BDNF: variants seen among roughly 807,000 people sequenced by gnomAD.
The protein encoded by BDNF is brain derived neurotrophic factor.
A neutral mutation model predicts 19.5 loss-of-function variants in BDNF; 1 was observed. The observed-to-expected ratio is 0.05, with a 90% CI of 0.02 to 0.24. The LOEUF (loss-of-function observed/expected upper bound fraction) is 0.24, where lower values mean the gene tolerates loss of function less well. BDNF is among the 10% of genes least tolerant of loss of function. BDNF has a pLI of 1.00. For synonymous variants in BDNF, 100 were observed against 121.6 expected, an observed-to-expected ratio of 0.82 and a Z score of 1.17; for missense variants, 195 against 317.6, an observed-to-expected ratio of 0.61 and a Z score of 2.93.
At chr11:27,694,438 A>G (rs1191268659) in intron 1 of BDNF, among the ~76,000 whole-genome samples, 1 of 152,154 alleles carries the variant, frequency 6.6e-6, no homozygotes, top group East Asian at 1.9e-4. Context: ...TAATCAATCT[A>G]TTAGTGCATT....
In BDNF at chr11:27,657,592, CA is replaced by C. The variant is rs1417778537; in HGVS notation, c.*228del. On this transcript the variant is annotated 3_prime_UTR_variant, in exon 2 of 2. Transcript: ENST00000356660. The surrounding 1 kb of genome is among the most constrained non-coding windows in gnomAD (Gnocchi z 5.0). ...CAACGGCAACAAACCACAACATTATCAAGGAATGTAATGCAGACTTTTTAAG... is the reference window on the plus strand; with the variant it reads ...CAACGGCAACAAACCACAACATTATCAGGAATGTAATGCAGACTTTTTAAG... The C allele has an allele frequency of 3.8e-6, 5 of 1,322,576 alleles. No individual in the cohort carries two copies. The East Asian group carries it at 1.2e-4, about 31-fold the overall frequency. 81.9% of individuals were successfully genotyped at this position (1,322,576 alleles called of 1,614,324 possible). A position where few individuals can be genotyped will look rare whatever the true frequency, so the allele number is the denominator to read the frequency against.
At chr11:27,711,384 A>G (rs1860322181) in intron 1 of BDNF, among the ~76,000 whole-genome samples, 1 of 152,234 alleles carries the variant, frequency 6.6e-6, no homozygotes, top group African/African-American at 2.4e-5. Flanking sequence ...AGGGTAGGTG[A>G]CAATTAGCTA....
At chr11:27,675,355 C>G (rs933004573) in intron 1 of BDNF, 2 of 152,084 alleles carry the variant, frequency 1.3e-5, no homozygotes, top group African/African-American at 4.8e-5. Flanking sequence ...GGTATTTTGT[C>G]AAAACTATGC....
intron 1 of BDNF, among the ~76,000 whole-genome samples, chr11:27,721,084 A>T (rs1238006774): frequency 6.6e-6 from 1 of 151,722 alleles, no homozygotes; most frequent in African/African-American, 2.4e-5. Context: ...ACATGCCCAC[A>T]TATAAATCAT....
chr11:27,670,418 TTAAAC>T lies in BDNF; in HGVS notation c.-21-11838_-21-11834del, dbSNP rs536026896. Among the ~76,000 whole-genome samples the T allele has an allele frequency of 8.7e-4, 133 of 152,200 alleles. 1 individual carries two copies. The highest frequency in any genetic ancestry group is 3.0e-3 in the African/African-American group (126 of 41,532). The stretch of plus-strand genomic sequence containing the variant: ...GCCAAAATTGACAAATGGGATCTAA[TTAAAC>T]TAAAGAGCTTCTGCACAGCAAAAGA... On this transcript the variant is annotated intron_variant, in intron 1 of 1. Coordinates refer to ENST00000356660, the MANE Select transcript of BDNF (RefSeq NM_001709.5).
At chr11:27,662,846 G>T (rs1853688060) in intron 1 of BDNF, among the ~76,000 whole-genome samples, 2 of 152,206 alleles carry the variant, frequency 1.3e-5, no homozygotes, top group Admixed American at 6.5e-5. Flanking sequence ...CATGGCCTGG[G>T]TGTTGCGGAT....
intron 1 of BDNF, among the ~76,000 whole-genome samples, chr11:27,713,671 A>T (rs1564996823): frequency 6.6e-6 from 1 of 152,186 alleles, no homozygotes; most frequent in Non-Finnish European, 1.5e-5. Context: ...GGGAACAAAG[A>T]TCTCAGAGCA....
chr11:27,713,782 A>G (rs1172116702), intron 1 of BDNF, among the ~76,000 whole-genome samples: 2 of 152,172 alleles, frequency 1.3e-5, no homozygotes, highest in Non-Finnish European at 2.9e-5. Flanking sequence ...AACTTTGACA[A>G]AGTACATTTT....
At chr11:27,711,806 A>G (rs898360269) in intron 1 of BDNF, among the ~76,000 whole-genome samples, 4 of 152,270 alleles carry the variant, frequency 2.6e-5, no homozygotes, top group Admixed American at 2.6e-4. Flanking sequence ...CCACATCATT[A>G]TAATTTCCCA....
At position 27,656,602 on chromosome 11, in the gene BDNF, T is replaced by C. The variant is rs899606525; in HGVS notation, c.*1219A>G. On this transcript the variant is annotated 3_prime_UTR_variant, in exon 2 of 2. Coordinates refer to ENST00000356660, the MANE Select transcript of BDNF (RefSeq NM_001709.5). ...AATGCCAACTCCACATAGCCTCCAT[T>C]TGGCTGTTCAGTCTCATGTCACTGG... 2.0e-6 allele frequency: 2 copies of C among 985,792 alleles called. No homozygotes were observed. Among genetic ancestry groups the C allele is most frequent in the Non-Finnish European group, 2.4e-6 (2 of 829,950 alleles). 61.1% of individuals were successfully genotyped at this position (985,792 alleles called of 1,614,324 possible). A position where few individuals can be genotyped will look rare whatever the true frequency, so the allele number is the denominator to read the frequency against.
chr11:27,662,048 G>C (rs1853538849), intron 1 of BDNF, among the ~76,000 whole-genome samples: 1 of 152,016 alleles, frequency 6.6e-6, no homozygotes, highest in Admixed American at 6.5e-5. Context: ...TGTCGCCCAG[G>C]CTGGAGTGCA....
chr11:27,677,885 A>T (rs184793507), intron 1 of BDNF: 107 of 152,344 alleles, frequency 7.0e-4, no homozygotes, highest in African/African-American at 2.5e-3. Context: ...GATTTACACC[A>T]GTTCCTTTGC....
rs745999049 is a variant in BDNF, at chr11:27,657,838, T to G, written c.727A>C (p.Ile243Leu). ...TAAATCCACTATCTTCCCCTTTTAA[T>G]GGTCAATGTACATACACAAGAAGTG... is the stretch of plus-strand genomic sequence containing the variant. ...IDTSCVCTLT[I>L]KRGR is the part of the protein sequence containing the mutation. Residue 243 changes from isoleucine to leucine, a missense_variant, in exon 2 of 2, where the codon ATT (isoleucine) becomes CTT (leucine). By Grantham distance (5) the Ile-to-Leu change is conservative. This residue lies in a region of BDNF where 71 missense variants were observed against 162.6 expected (regional missense o/e 0.44). Transcript: ENST00000356660. This position sits in a 1 kb window ranked among gnomAD's most constrained non-coding sequence, Gnocchi z 5.0. 1 of 1,614,024 alleles carries G rather than the reference T, an allele frequency of 6.2e-7. No homozygotes were observed. Among genetic ancestry groups the G allele is most frequent in the Non-Finnish European group, 8.5e-7 (1 of 1,179,866 alleles).
chr11:27,719,394 C>A, intron 1 of BDNF: 1 of 916,116 alleles, frequency 1.1e-6, no homozygotes, highest in Non-Finnish European at 1.3e-6. Flanking sequence ...TTCTCCACCG[C>A]CTCCAGCCGC....
chr11:27,685,825 G>A (rs753875000), intron 1 of BDNF, among the ~76,000 whole-genome samples: 71,778 of 151,228 alleles, frequency 0.47, 17,122 homozygotes, highest in Admixed American at 0.54. Context: ...CCAATTATGT[G>A]GTCAATTTTA....
At chr11:27,703,957 T>C (rs12293082), upstream of BDNF, among the ~76,000 whole-genome samples, 5,788 of 152,300 alleles carry the variant, frequency 0.038, 394 homozygotes, top group African/African-American at 0.13. Context: ...TTGCATGGAA[T>C]TCTAAATATT....
At chr11:27,660,434 A>G (rs77959657) in intron 1 of BDNF, among the ~76,000 whole-genome samples, 16 of 152,338 alleles carry the variant, frequency 1.1e-4, no homozygotes, top group African/African-American at 3.6e-4. Flanking sequence ...ATCTTTGTGA[A>G]TGTTCTGAGT....
rs370863125 is a variant in BDNF at position 27,673,957 on chromosome 11, C to T, written c.-21-15372G>A. On this transcript the variant is annotated intron_variant, in intron 1 of 1. Transcript: ENST00000356660. ...GGAAGAAACTGGAAAGGTAAGTTGC[C>T]TCTAGAGACCAAAGAATAACACTCC... The T allele has an allele frequency of 1.5e-5, 20 of 1,354,074 alleles. 1 individual carries two copies. The African/African-American group carries it at 2.9e-4, about 20-fold the overall frequency. The allele number at this position is 1,354,074 out of a possible 1,614,324, so 83.9% of individuals were successfully genotyped here.
At chr11:27,678,440 G>A (rs1262680270) in intron 1 of BDNF, among the ~76,000 whole-genome samples, 2 of 152,186 alleles carry the variant, frequency 1.3e-5, no homozygotes, top group Non-Finnish European at 2.9e-5. Flanking sequence ...CATCAAGAGC[G>A]GGCTGACTTG....
Sources: gnomAD v4.1 joint callset for allele counts (sites outside exome capture counted in the v4.1 genomes callset) on GRCh38, gnomAD v4.1.1 for gene constraint, gnomAD v4.1.1 regional missense constraint, Gnocchi (gnomAD v3.1) non-coding constraint, MANE v1.5 for transcripts, NCBI Gene and HGNC (gene_info 2026-07-23, HGNC 2026-07-21) for gene names.